Variants in CFAP20DC observed in about 807,000 individuals in gnomAD.
CFAP20DC encodes the protein CFAP20 domain containing, also known as protein CFAP20DC.
In CFAP20DC, 84 loss-of-function variants were observed where a neutral mutation model predicts 101.7. That is an observed-to-expected ratio of 0.83 (90% CI 0.69 to 0.99). The LOEUF is 0.99. Ranked by LOEUF, CFAP20DC falls within the 50% of genes least tolerant of loss-of-function variation. The probability of loss-of-function intolerance (pLI) is 0.00; values close to 1 mark genes in which losing one functional copy is unlikely to be tolerated. For synonymous variants in CFAP20DC, 359 were observed against 351.2 expected (o/e 1.02, Z -0.25); for missense variants, 1,007 against 970.3 (o/e 1.04, Z -0.50).
At chr3:59,011,951 T>G (rs2093593320) in intron 4 of CFAP20DC, among the ~76,000 whole-genome samples, 1 of 152,212 alleles carries the variant, frequency 6.6e-6, no homozygotes, top group Non-Finnish European at 1.5e-5. Flanking sequence ...GCAGAGAGTT[T>G]AAATTTATTT....
At chr3:58,993,053 C>T (rs1045462855) in intron 4 of CFAP20DC, among the ~76,000 whole-genome samples, 1 of 151,982 alleles carries the variant, frequency 6.6e-6, no homozygotes, top group South Asian at 2.1e-4. Flanking sequence ...AGGAGAAAAA[C>T]GTGGGGAGTA....
In CFAP20DC at chr3:58,728,329, C is replaced by T. The variant is rs142448505; in HGVS notation, c.198-10701G>A. ...GGGGAGGAAATTGGAAGAAGATTCA[C>T]GTCCTCATATTAGAGAAATAGCTGG... On this transcript the variant is annotated intron_variant, in intron 3 of 3. Coordinates refer to the CFAP20DC transcript ENST00000486145. This position sits in a 1 kb window ranked among gnomAD's most constrained non-coding sequence, Gnocchi z 4.7. Among the ~76,000 whole-genome samples the T allele has an allele frequency of 1.5e-3, 225 of 152,294 alleles. 8 individuals are homozygous for T. The East Asian group carries it at 0.04, about 27-fold the overall frequency.
At position 58,913,084 on chromosome 3, in the gene CFAP20DC, C is replaced by T. The variant is rs944991564; in HGVS notation, c.550+624G>A. The stretch of plus-strand genomic sequence containing the variant: ...ACAGGACAGAAACAGCCACACCAAA[C>T]GTTTTCAGTGGAGACAAACATGAAG... On this transcript the variant is annotated intron_variant, in intron 6 of 16. Coordinates refer to ENST00000482387, the MANE Select transcript of CFAP20DC (RefSeq NM_001394063.1). This position sits in a 1 kb window ranked among gnomAD's most constrained non-coding sequence, Gnocchi z 4.4. Among the ~76,000 whole-genome samples the T allele has an allele frequency of 6.6e-6, 1 of 152,130 alleles. No individual in the cohort carries two copies. The highest frequency in any genetic ancestry group is 2.1e-4 in the South Asian group (1 of 4,834).
At chr3:59,012,813 A>AT (rs956258567) in intron 4 of CFAP20DC, among the ~76,000 whole-genome samples, 6 of 151,722 alleles carry the variant, frequency 4.0e-5, no homozygotes, top group East Asian at 3.9e-4. Context: ...TAAGAAAATT[A>AT]TTTTTTTTCC....
chr3:58,855,626 A>G (rs1453265331), intron 12 of CFAP20DC, among the ~76,000 whole-genome samples: 1 of 152,138 alleles, frequency 6.6e-6, no homozygotes, highest in Non-Finnish European at 1.5e-5. Flanking sequence ...AAAATGTGGC[A>G]CAGATACACC....
In CFAP20DC at chr3:58,844,262, G is replaced by C. The variant is rs1395183094; in HGVS notation, c.1971+4770C>G. Among the ~76,000 whole-genome samples the C allele has an allele frequency of 1.4e-4, 21 of 148,236 alleles. No homozygotes were observed. The South Asian group carries it at 4.5e-3, about 32-fold the overall frequency. On this transcript the variant is annotated intron_variant, in intron 13 of 16. Coordinates refer to ENST00000482387, the MANE Select transcript of CFAP20DC (RefSeq NM_001394063.1). Reference sequence around the variant, plus strand: ...AGACCCATCAGTGTGCTGTATTCAGGAAACCCATCTCACGTGCAGAGACAC... The same window carrying C: ...AGACCCATCAGTGTGCTGTATTCAGCAAACCCATCTCACGTGCAGAGACAC...
intron 10 of CFAP20DC, 103 bp downstream of exon 10, chr3:58,867,714 A>C: frequency 7.3e-7 from 1 of 1,364,324 alleles, no homozygotes; most frequent in South Asian, 1.3e-5. Flanking sequence ...TTATATTTTA[A>C]ATGGATTGGT....
In CFAP20DC at chr3:58,744,416, C is replaced by T. The variant is rs533122599; in HGVS notation, c.2333-1844G>A. 2.8e-4 allele frequency among the ~76,000 whole-genome samples: 43 copies of T among 151,994 alleles called. No homozygotes were observed. The South Asian group carries it at 8.6e-3, about 30-fold the overall frequency. On this transcript the variant is annotated intron_variant, in intron 16 of 16. Transcript: ENST00000482387. ...AAGGAGTGGTGTAACATGTTTAATT[C>T]GGAGCTATTACATTGAAGGAATTTA... is the stretch of plus-strand genomic sequence containing the variant.
chr3:59,030,632 T>C (rs2093972937), intron 4 of CFAP20DC, among the ~76,000 whole-genome samples: 1 of 152,184 alleles, frequency 6.6e-6, no homozygotes, highest in African/African-American at 2.4e-5. Flanking sequence ...ATTTAAAATA[T>C]AGTCATTATC....
At chr3:58,927,147 G>GT (rs1415939312) in intron 5 of CFAP20DC, among the ~76,000 whole-genome samples, 1 of 152,118 alleles carries the variant, frequency 6.6e-6, no homozygotes, top group African/African-American at 2.4e-5. Context: ...AAATATTAAA[G>GT]TGACTCTTCA....
intron 13 of CFAP20DC, among the ~76,000 whole-genome samples, chr3:58,840,864 C>T (rs1204973504): frequency 6.6e-6 from 1 of 152,174 alleles, no homozygotes; most frequent in African/African-American, 2.4e-5. Flanking sequence ...GTAACTGAGG[C>T]TCCAAGACAT....
rs866527271 is a variant in CFAP20DC, at chr3:58,892,522, G to A, written c.551-7813C>T. Among the ~76,000 whole-genome samples the A allele has an allele frequency of 1.3e-5, 2 of 152,198 alleles. No homozygotes were observed. The highest frequency in any genetic ancestry group is 6.5e-5 in the Admixed American group (1 of 15,278). ...TCTCTGATTTCTCTGAGAGTGGACTGTAGTCCTCCTTGAAGAGGTCCTTCA... is the reference window on the plus strand; with the variant it reads ...TCTCTGATTTCTCTGAGAGTGGACTATAGTCCTCCTTGAAGAGGTCCTTCA... On this transcript the variant is annotated intron_variant, in intron 6 of 16. Coordinates refer to ENST00000482387, the MANE Select transcript of CFAP20DC (RefSeq NM_001394063.1). This position sits in a 1 kb window ranked among gnomAD's most constrained non-coding sequence, Gnocchi z 4.0.
At chr3:58,842,529 CG>C (rs928871467) in intron 13 of CFAP20DC, among the ~76,000 whole-genome samples, 1 of 152,094 alleles carries the variant, frequency 6.6e-6, no homozygotes, top group African/African-American at 2.4e-5. Flanking sequence ...CACGGAATCT[CG>C]CTGATTGCTA....
At chr3:58,730,035 A>G (rs1045676999) in intron 3 of CFAP20DC, among the ~76,000 whole-genome samples, 10 of 148,512 alleles carry the variant, frequency 6.7e-5, no homozygotes, top group Non-Finnish European at 1.3e-4. Context: ...AAAAAAAAAA[A>G]AAAAGAAAGT....
chr3:58,824,722 G>A (rs993251630), intron 14 of CFAP20DC: 1 of 152,028 alleles, frequency 6.6e-6, no homozygotes, highest in Admixed American at 6.6e-5. Context: ...GTTATTCTCC[G>A]AATATTATGC....
At chr3:58,920,212 T>A (rs1452105270) in intron 5 of CFAP20DC, among the ~76,000 whole-genome samples, 5 of 151,376 alleles carry the variant, frequency 3.3e-5, no homozygotes, top group African/African-American at 1.2e-4. Context: ...CACTTCAGCT[T>A]CCCAAACAGC....
chr3:58,972,759 C>T (rs1475972250), intron 4 of CFAP20DC, among the ~76,000 whole-genome samples: 1 of 152,074 alleles, frequency 6.6e-6, no homozygotes, highest in Non-Finnish European at 1.5e-5. Context: ...TTGTAAGTTT[C>T]CAGAACAAAG....
At chr3:58,828,293 T>C (rs1027953678) in intron 14 of CFAP20DC, among the ~76,000 whole-genome samples, 2 of 152,198 alleles carry the variant, frequency 1.3e-5, no homozygotes, top group African/African-American at 2.4e-5. Flanking sequence ...TAAGTACTTA[T>C]GTCTCAGATA....
intron 4 of CFAP20DC, among the ~76,000 whole-genome samples, chr3:58,949,873 C>A (rs1370565327): frequency 6.6e-6 from 1 of 152,134 alleles, no homozygotes; most frequent in Non-Finnish European, 1.5e-5. Flanking sequence ...GACAGGGATG[C>A]CCTCTCTCAC....
Sources: gnomAD v4.1 joint callset for allele counts (sites outside exome capture counted in the v4.1 genomes callset) on GRCh38, gnomAD v4.1.1 for gene constraint, Gnocchi (gnomAD v3.1) non-coding constraint, MANE v1.5 for transcripts, NCBI Gene and HGNC (gene_info 2026-07-23, HGNC 2026-07-21) for gene names.